PKP4: variants seen among roughly 807,000 people sequenced by gnomAD.
PKP4 encodes plakophilin 4.
Under a neutral mutation model 145.1 loss-of-function variants are expected in PKP4, and 90 were observed. The observed-to-expected ratio is 0.62, with a 90% CI of 0.52 to 0.74. The LOEUF is 0.74. Among genes scored for constraint, PKP4 ranks in the 30% least tolerant of loss-of-function variants. The pLI, the probability that PKP4 is intolerant of heterozygous loss-of-function variation, is 0.00. For missense variants in PKP4, 1,340 were observed against 1,482.7 expected (o/e 0.90, Z 1.58); for synonymous variants, 563 against 577.2 (o/e 0.98, Z 0.35).
chr2:158,605,849 T>C (rs971020601), intron 4 of PKP4, among the ~76,000 whole-genome samples: 3 of 152,180 alleles, frequency 2.0e-5, no homozygotes, highest in African/African-American at 2.4e-5. Flanking sequence ...TTTCTTTCCT[T>C]ATGGATTTGC....
At chr2:158,469,422 C>G (rs1691205326) in intron 1 of PKP4, among the ~76,000 whole-genome samples, 2 of 152,116 alleles carry the variant, frequency 1.3e-5, no homozygotes, top group African/African-American at 4.8e-5. Flanking sequence ...ATTTTCTTAT[C>G]CCCTCCTTCC....
intron 1 of PKP4, among the ~76,000 whole-genome samples, chr2:158,503,041 A>G (rs1157347270): frequency 6.6e-6 from 1 of 152,234 alleles, no homozygotes; most frequent in East Asian, 1.9e-4. Context: ...TGTGTTTTGC[A>G]TAATTCCAGC....
chr2:158,600,212 C>A (rs2050112449), intron 3 of PKP4, among the ~76,000 whole-genome samples: 1 of 152,202 alleles, frequency 6.6e-6, no homozygotes, highest in African/African-American at 2.4e-5. Flanking sequence ...GGATTTCATT[C>A]TAAATGATTA....
intron 2 of PKP4, among the ~76,000 whole-genome samples, chr2:158,560,726 T>C (rs1284889811): frequency 6.6e-6 from 1 of 152,220 alleles, no homozygotes; most frequent in Non-Finnish European, 1.5e-5. Flanking sequence ...AAAAAATAGC[T>C]CACAGCATTT....
chr2:158,504,971 G>T (rs551559336), intron 1 of PKP4, among the ~76,000 whole-genome samples: 1 of 152,158 alleles, frequency 6.6e-6, no homozygotes, highest in African/African-American at 2.4e-5. Flanking sequence ...GTTTGTATCA[G>T]TCTTCACAAA....
intron 3 of PKP4, among the ~76,000 whole-genome samples, chr2:158,600,900 C>G (rs1478450459): frequency 6.6e-6 from 1 of 152,032 alleles, no homozygotes; most frequent in Non-Finnish European, 1.5e-5. Flanking sequence ...CTAGGAATAC[C>G]TATTATATTT....
intron 1 of PKP4, among the ~76,000 whole-genome samples, chr2:158,514,497 A>G (rs1407251389): frequency 6.6e-6 from 1 of 152,232 alleles, no homozygotes; most frequent in Non-Finnish European, 1.5e-5. Context: ...AATAAAGGAG[A>G]CTGAGAGATA....
chr2:158,628,050 G>A (rs548261513), intron 7 of PKP4, among the ~76,000 whole-genome samples: 236 of 151,408 alleles, frequency 1.6e-3, no homozygotes, highest in African/African-American at 2.6e-3. Context: ...GCACGCTCTC[G>A]GCTCACTGCA....
At chr2:158,622,654 C>T (rs1218920437) in intron 6 of PKP4, among the ~76,000 whole-genome samples, 1 of 152,006 alleles carries the variant, frequency 6.6e-6, no homozygotes, top group Non-Finnish European at 1.5e-5. Flanking sequence ...GGAGAAATTT[C>T]AGAGTCATTT....
At chr2:158,482,313 C>T (rs892443999) in intron 1 of PKP4, among the ~76,000 whole-genome samples, 4 of 152,098 alleles carry the variant, frequency 2.6e-5, no homozygotes, top group Non-Finnish European at 4.4e-5. Context: ...TCCATTCTTT[C>T]CCTTCCTTCC....
At chr2:158,492,502 C>T (rs1030148182) in intron 1 of PKP4, among the ~76,000 whole-genome samples, 6 of 152,110 alleles carry the variant, frequency 3.9e-5, no homozygotes, top group Non-Finnish European at 7.4e-5. Flanking sequence ...CCCCCTCTCC[C>T]CCACACCAAC....
At chr2:158,589,750 G>T (rs1345538886) in intron 3 of PKP4, among the ~76,000 whole-genome samples, 1 of 152,098 alleles carries the variant, frequency 6.6e-6, no homozygotes, top group Non-Finnish European at 1.5e-5. Context: ...AGGAAGGTTG[G>T]TAGTAAACTC....
intron 2 of PKP4, among the ~76,000 whole-genome samples, chr2:158,547,923 G>T (rs2045229412): frequency 6.6e-6 from 1 of 152,208 alleles, no homozygotes. Context: ...GGCCAACAAG[G>T]CTCAAGACCG....
At chr2:158,652,033 G>A (rs1352706868) in intron 11 of PKP4, among the ~76,000 whole-genome samples, 8 of 152,092 alleles carry the variant, frequency 5.3e-5, no homozygotes, top group Admixed American at 3.3e-4. Flanking sequence ...CTCTGCCAGC[G>A]CTGTTCAATA....
chr2:158,535,132 G>T (rs566260313), intron 2 of PKP4, among the ~76,000 whole-genome samples: 1 of 152,212 alleles, frequency 6.6e-6, no homozygotes, highest in South Asian at 2.1e-4. Context: ...GTTTTAAATA[G>T]CTCCCCTGCA....
At chr2:158,616,403 G>C (rs778690993) in intron 4 of PKP4, among the ~76,000 whole-genome samples, 6 of 152,196 alleles carry the variant, frequency 3.9e-5, no homozygotes, top group Non-Finnish European at 7.3e-5. Context: ...TCCTTCGTAA[G>C]CCTGTGGTCC....
At chr2:158,604,583 A>G (rs1558873204) in intron 4 of PKP4, among the ~76,000 whole-genome samples, 1 of 152,128 alleles carries the variant, frequency 6.6e-6, no homozygotes, top group Non-Finnish European at 1.5e-5. Context: ...TGTGGTGGTC[A>G]GGTGGGTAGG....
intron 2 of PKP4, among the ~76,000 whole-genome samples, chr2:158,550,245 T>C (rs2045500095): frequency 1.4e-5 from 2 of 140,396 alleles, no homozygotes; most frequent in Non-Finnish European, 3.3e-5. Context: ...TAGCAGTATT[T>C]TGCCAGAGTT....
chr2:158,664,138 A>C (rs2056869918), intron 15 of PKP4, among the ~76,000 whole-genome samples: 2 of 152,192 alleles, frequency 1.3e-5, no homozygotes, highest in South Asian at 4.1e-4. Context: ...ATGGCAGTGC[A>C]AAAGGTGGAT....
Sources: allele counts gnomAD v4.1 joint callset (sites outside exome capture counted in the v4.1 genomes callset), GRCh38; gene constraint gnomAD v4.1.1; transcripts MANE v1.5; gene names NCBI Gene and HGNC (gene_info 2026-07-23, HGNC 2026-07-21).